The following MAPK4 variants were observed in gnomAD, a reference collection of about 807,000 sequenced individuals.
MAPK4 encodes the protein Erk3-related.
MAPK4 carries 22 observed loss-of-function variants against 47.7 expected under a neutral mutation model. That is an observed-to-expected ratio of 0.46 (90% CI 0.33 to 0.66). MAPK4 has a LOEUF of 0.66. Among genes scored for constraint, MAPK4 ranks in the 30% least tolerant of loss-of-function variants. MAPK4 has a pLI of 0.02. For synonymous variants in MAPK4, 390 were observed against 365.7 expected, an observed-to-expected ratio of 1.07 and a Z score of -0.76; for missense variants, 736 against 831.7, an observed-to-expected ratio of 0.88 and a Z score of 1.42.
intron 1 of MAPK4, among the ~76,000 whole-genome samples, chr18:50,571,912 A>G (rs992764703): frequency 6.6e-6 from 1 of 152,234 alleles, no homozygotes; most frequent in Non-Finnish European, 1.5e-5. Context: ...ATGGTAAAGT[A>G]TTATAGCTCA....
intron 1 of MAPK4, among the ~76,000 whole-genome samples, chr18:50,652,473 A>G (rs1377763865): frequency 1.3e-5 from 2 of 152,112 alleles, no homozygotes; most frequent in Non-Finnish European, 2.9e-5. Flanking sequence ...ACTCTATGAA[A>G]TTTAAAGGGA....
At chr18:50,601,728 G>A (rs1185282652) in intron 1 of MAPK4, among the ~76,000 whole-genome samples, 1 of 152,116 alleles carries the variant, frequency 6.6e-6, no homozygotes, top group Non-Finnish European at 1.5e-5. Flanking sequence ...GCTTCCTATT[G>A]AGACTCTGTG....
At chr18:50,627,007 T>A (rs1013164003) in intron 1 of MAPK4, among the ~76,000 whole-genome samples, 1 of 151,316 alleles carries the variant, frequency 6.6e-6, no homozygotes, top group African/African-American at 2.4e-5. Context: ...GAAGGGAGAG[T>A]ATCACCATTC....
chr18:50,662,853 G>C (rs1256679438), intron 1 of MAPK4, among the ~76,000 whole-genome samples: 1 of 152,208 alleles, frequency 6.6e-6, no homozygotes, highest in African/African-American at 2.4e-5. Flanking sequence ...ACTGACATAA[G>C]AGGCACAGCA....
chr18:50,729,536 C>G lies in MAPK4; in HGVS notation c.1446C>G (p.Arg482=). The change falls in exon 6 of 6, where the codon CGC becomes CGG. Residue 482 remains arginine (R), a synonymous_variant. Transcript: ENST00000400384. ...TATGLADTGA[R]EDEPASLFLE... is the part of the protein sequence containing the mutation. ...CGGGGCTGGCGGACACGGGGGCGCG[C>G]GAGGACGAGCCGGCCAGCCTCTTCC... 7.0e-7 allele frequency: 1 copy of G among 1,428,862 alleles called. No homozygotes were observed. Among genetic ancestry groups the G allele is most frequent in the Non-Finnish European group, 9.2e-7 (1 of 1,091,468 alleles). 88.5% of individuals were successfully genotyped at this position (1,428,862 alleles called of 1,614,324 possible).
chr18:50,716,972 T>C (rs971357511), intron 3 of MAPK4, among the ~76,000 whole-genome samples: 7 of 152,162 alleles, frequency 4.6e-5, no homozygotes, highest in Non-Finnish European at 1.0e-4. Flanking sequence ...TCTTCTTCTC[T>C]ATCTTGTCCT....
chr18:50,595,358 T>G (rs1389969635), intron 1 of MAPK4, among the ~76,000 whole-genome samples: 1 of 152,132 alleles, frequency 6.6e-6, no homozygotes, highest in African/African-American at 2.4e-5. Context: ...GGAATAATAC[T>G]CAGCAATACA....
intron 1 of MAPK4, among the ~76,000 whole-genome samples, chr18:50,614,886 A>G (rs2042670280): frequency 6.6e-6 from 1 of 152,164 alleles, no homozygotes; most frequent in African/African-American, 2.4e-5. Context: ...GTTATTCAGG[A>G]ATCTGTTACA....
chr18:50,561,148 T>C (rs1178628021), intron 1 of MAPK4, among the ~76,000 whole-genome samples: 1 of 152,104 alleles, frequency 6.6e-6, no homozygotes, highest in African/African-American at 2.4e-5. Context: ...GTCAGCAGCG[T>C]CCCGACAGAG....
intron 1 of MAPK4, among the ~76,000 whole-genome samples, chr18:50,597,677 A>G (rs896334957): frequency 1.3e-5 from 2 of 152,222 alleles, no homozygotes; most frequent in African/African-American, 4.8e-5. Flanking sequence ...CACCCCCAGG[A>G]CATAGCATAG....
intron 1 of MAPK4, among the ~76,000 whole-genome samples, chr18:50,657,304 A>T (rs550366284): frequency 6.6e-6 from 1 of 152,172 alleles, no homozygotes; most frequent in Admixed American, 6.5e-5. Context: ...GGTTTGGGAG[A>T]TGACATCACC....
At chr18:50,705,237 C>T (rs1598933943) in intron 2 of MAPK4, 1 of 153,930 alleles carries the variant, frequency 6.5e-6, no homozygotes, top group Admixed American at 6.5e-5. Flanking sequence ...ATTCCTTTAG[C>T]TCAACGTTTT....
intron 1 of MAPK4, among the ~76,000 whole-genome samples, chr18:50,637,093 T>C (rs1456560447): frequency 1.3e-4 from 20 of 152,180 alleles, no homozygotes; most frequent in Admixed American, 1.3e-3. Flanking sequence ...CCTGGTTTCA[T>C]GCCCTTCTAA....
chr18:50,606,054 G>A (rs1418133690), intron 1 of MAPK4, among the ~76,000 whole-genome samples: 1 of 151,576 alleles, frequency 6.6e-6, no homozygotes, highest in Non-Finnish European at 1.5e-5. Flanking sequence ...CAAAGAAAAA[G>A]GAGGTGGCGG....
intron 2 of MAPK4, among the ~76,000 whole-genome samples, chr18:50,710,579 C>T (rs557652271): frequency 5.9e-5 from 9 of 151,976 alleles, no homozygotes; most frequent in African/African-American, 1.9e-4. Flanking sequence ...AGATCGAGAC[C>T]ATCCTGGCTA....
chr18:50,689,409 A>G lies in MAPK4; in HGVS notation c.546+24905A>G, dbSNP rs1047151007. Among the ~76,000 whole-genome samples the G allele has an allele frequency of 2.5e-3, 379 of 151,020 alleles. 7 individuals are homozygous for G. The East Asian group carries it at 0.037, about 15-fold the overall frequency. ...AGAGTTTTGAAACTCCATCTTAAAA[A>G]AAAAAAAAAAAAAAAAAAAGCTATT... On this transcript the variant is annotated intron_variant, in intron 2 of 5. Transcript: ENST00000400384.
chr18:50,682,638 G>A (rs1304586478), intron 2 of MAPK4, among the ~76,000 whole-genome samples: 1 of 152,144 alleles, frequency 6.6e-6, no homozygotes, highest in Non-Finnish European at 1.5e-5. Context: ...TTTAATATTT[G>A]AAAATCAATG....
chr18:50,608,860 G>A lies in MAPK4; in HGVS notation c.-871+48617G>A, dbSNP rs534720201. Among the ~76,000 whole-genome samples, 25 of 152,244 alleles carry A rather than the reference G, an allele frequency of 1.6e-4. 1 individual carries two copies. Among genetic ancestry groups the A allele is most frequent in the African/African-American group, 6.0e-4 (25 of 41,536 alleles). On this transcript the variant is annotated intron_variant, in intron 1 of 5. Transcript: ENST00000400384. ...GGGTATCTGGGTTTCCTGGGCAGGG[G>A]ACCCTGTGGCCTTCCGCAGTGTTTG...
At chr18:50,689,992 G>T (rs1484357181) in intron 2 of MAPK4, among the ~76,000 whole-genome samples, 2 of 152,106 alleles carry the variant, frequency 1.3e-5, no homozygotes, top group Non-Finnish European at 2.9e-5. Flanking sequence ...TTATTAGAAA[G>T]GGGTCCTAGA....
Sources: gnomAD v4.1 joint callset for allele counts (sites outside exome capture counted in the v4.1 genomes callset) on GRCh38, gnomAD v4.1.1 for gene constraint, MANE v1.5 for transcripts, NCBI Gene and HGNC (gene_info 2026-07-23, HGNC 2026-07-21) for gene names.